The following RBFOX2 variants were observed in gnomAD, a reference collection of about 807,000 sequenced individuals.
RBFOX2 encodes the protein RNA binding fox-1 homolog 2.
In RBFOX2, 10 loss-of-function variants were observed where a neutral mutation model predicts 49.1. The observed-to-expected ratio is 0.20, with a 90% CI of 0.13 to 0.35. RBFOX2 has a LOEUF of 0.35. Ranked by LOEUF, RBFOX2 falls within the 10% of genes least tolerant of loss-of-function variation. The pLI is 1.00. For synonymous variants in RBFOX2, 183 were observed against 187.4 expected, an observed-to-expected ratio of 0.98 and a Z score of 0.19; for missense variants, 323 against 486.9, an observed-to-expected ratio of 0.66 and a Z score of 3.17.
At chr22:35,824,892 A>G (rs924344505) in intron 1 of RBFOX2, among the ~76,000 whole-genome samples, 3 of 152,216 alleles carry the variant, frequency 2.0e-5, no homozygotes, top group South Asian at 2.1e-4. Flanking sequence ...ATCATTATCA[A>G]TTAAATCAAC....
At chr22:35,850,032 G>C (rs943933091) in intron 1 of RBFOX2, among the ~76,000 whole-genome samples, 1 of 152,158 alleles carries the variant, frequency 6.6e-6, no homozygotes, top group Admixed American at 6.5e-5. Context: ...AGGTATCCAG[G>C]AGCCAAAATA....
chr22:35,758,978 C>CA lies in RBFOX2; in HGVS notation c.887+909dup, dbSNP rs200805367. Reference sequence around the variant, plus strand: ...TGCTACTTATTCCTCCGTAAGAATACAAAAAAAAATATGTCATATTGACAT... The same window carrying CA: ...TGCTACTTATTCCTCCGTAAGAATACAAAAAAAAAATATGTCATATTGACAT... On this transcript the variant is annotated intron_variant, in intron 9 of 11. Transcript: ENST00000405409. Among the ~76,000 whole-genome samples the CA allele has an allele frequency of 3.6e-3, 543 of 150,328 alleles. 4 individuals are homozygous for CA. Among genetic ancestry groups the CA allele is most frequent in the Non-Finnish European group, 3.0e-3 (199 of 67,418 alleles).
chr22:35,798,517 A>AGAG (rs1009190290), intron 2 of RBFOX2, among the ~76,000 whole-genome samples: 2 of 152,216 alleles, frequency 1.3e-5, no homozygotes, highest in African/African-American at 2.4e-5. Context: ...AATCTCTCTA[A>AGAG]GCCTCAATTT....
chr22:35,915,800 A>G (rs1477645826), intron 1 of RBFOX2, among the ~76,000 whole-genome samples: 1 of 152,124 alleles, frequency 6.6e-6, no homozygotes, highest in Non-Finnish European at 1.5e-5. Flanking sequence ...CACCCTAAAC[A>G]ATCTGGAATT....
chr22:35,899,212 G>C (rs1407561584), intron 1 of RBFOX2, among the ~76,000 whole-genome samples: 1 of 146,686 alleles, frequency 6.8e-6, no homozygotes, highest in Non-Finnish European at 1.5e-5. Flanking sequence ...AAATATAAAA[G>C]ACATACCCTG....
rs928392658 is a variant in RBFOX2 at position 35,810,104 on chromosome 22, G to T, written c.28-100C>A. On this transcript the variant is annotated intron_variant, in intron 1 of 11. Transcript: ENST00000405409. ...GGAATTCTCTGAATATTCTCTCACT[G>T]CATAGGTAAAATGGAATGCTTATTG... is the stretch of plus-strand genomic sequence containing the variant. The T allele has an allele frequency of 3.4e-6, 4 of 1,162,282 alleles. No homozygotes were observed. The African/African-American group carries it at 6.1e-5, about 18-fold the overall frequency. 72.0% of individuals were successfully genotyped at this position (1,162,282 alleles called of 1,614,324 possible).
chr22:35,943,813 G>A (rs2053956982), upstream of RBFOX2, among the ~76,000 whole-genome samples: 1 of 152,182 alleles, frequency 6.6e-6, no homozygotes, highest in Non-Finnish European at 1.5e-5. Context: ...GCTGAGGCAG[G>A]AGAATGGCAT....
chr22:35,896,022 T>C (rs1404206303), intron 1 of RBFOX2, among the ~76,000 whole-genome samples: 5 of 152,200 alleles, frequency 3.3e-5, no homozygotes, highest in African/African-American at 1.2e-4. Flanking sequence ...TTATCCCCCA[T>C]ATTCTAATGC....
At chr22:35,957,267 G>C (rs2055673694) in intron 1 of RBFOX2, among the ~76,000 whole-genome samples, 1 of 152,168 alleles carries the variant, frequency 6.6e-6, no homozygotes, top group African/African-American at 2.4e-5. Flanking sequence ...CACAGTGCCT[G>C]TTCCTTAATG....
chr22:35,828,071 G>T (rs945407039), intron 1 of RBFOX2, among the ~76,000 whole-genome samples: 2 of 150,328 alleles, frequency 1.3e-5, no homozygotes, highest in African/African-American at 4.9e-5. Flanking sequence ...TGAGGCAGGA[G>T]AATTGCTTGA....
At chr22:35,860,371 G>A (rs1368962777) in intron 1 of RBFOX2, among the ~76,000 whole-genome samples, 1 of 152,222 alleles carries the variant, frequency 6.6e-6, no homozygotes, top group African/African-American at 2.4e-5. Flanking sequence ...TGCCAGACAT[G>A]AGAGTGAGGT....
At chr22:35,758,333 A>T (rs561861174) in intron 9 of RBFOX2, among the ~76,000 whole-genome samples, 10 of 152,344 alleles carry the variant, frequency 6.6e-5, no homozygotes, top group African/African-American at 2.4e-4. Context: ...TACATTGAAC[A>T]GGACTAAATT....
chr22:35,744,147 C>G (rs761124564), exon 12 of RBFOX2: 165 of 1,472,478 alleles, frequency 1.1e-4, no homozygotes, highest in Non-Finnish European at 1.5e-4. Flanking sequence ...GTAAATATTG[C>G]AATAGCCAGG....
exon 12 of RBFOX2, chr22:35,739,502 A>C (rs893881667): frequency 6.6e-6 from 1 of 152,590 alleles, no homozygotes; most frequent in Non-Finnish European, 1.5e-5. Flanking sequence ...AAGAGGATCA[A>C]TTCATCACTC....
chr22:35,981,641 C>CA (rs879304923), intron 1 of RBFOX2, among the ~76,000 whole-genome samples: 11,631 of 96,370 alleles, frequency 0.12, 530 homozygotes, highest in Admixed American at 0.23. Context: ...GACTCCATTT[C>CA]AAAAAAAAAA....
At chr22:36,028,198 C>G (rs1337333162) in intron 1 of RBFOX2, 42 bp downstream of exon 1, 16 of 1,443,750 alleles carry the variant, frequency 1.1e-5, no homozygotes, top group Non-Finnish European at 1.5e-5. Context: ...GACCCTCACG[C>G]CCACCCCCGC....
chr22:35,916,470 CA>C (rs1392398486), intron 1 of RBFOX2, among the ~76,000 whole-genome samples: 1 of 152,168 alleles, frequency 6.6e-6, no homozygotes, highest in African/African-American at 2.4e-5. Context: ...TTAGTAGAGA[CA>C]GGGTTTCGCC....
At chr22:36,023,169 T>A (rs1442587440) in intron 1 of RBFOX2, among the ~76,000 whole-genome samples, 1 of 152,094 alleles carries the variant, frequency 6.6e-6, no homozygotes, top group Admixed American at 6.6e-5. Context: ...CATCCACCTA[T>A]GAGGAAATAA....
intron 1 of RBFOX2, chr22:35,897,163 T>G (rs1252704045): frequency 3.4e-6 from 2 of 584,988 alleles, no homozygotes; most frequent in Non-Finnish European, 6.1e-6. Flanking sequence ...GGGATCTTAT[T>G]CACTGTGTAC....
Sources: gnomAD v4.1 joint callset for allele counts (sites outside exome capture counted in the v4.1 genomes callset) on GRCh38, gnomAD v4.1.1 for gene constraint, MANE v1.5 for transcripts, NCBI Gene and HGNC (gene_info 2026-07-23, HGNC 2026-07-21) for gene names.